Variants in PLAC1 observed in about 807,000 individuals in gnomAD.
The protein encoded by PLAC1 is placenta-specific protein 1.
For synonymous variants in PLAC1, 68 were observed against 62.1 expected (o/e 1.09, Z -0.44); for missense variants, 136 against 163.2 (o/e 0.83, Z 0.91).
At chrX:134,703,289 G>T (rs2078589734) in intron 2 of PLAC1, among the ~76,000 whole-genome samples, 1 of 111,546 alleles carries the variant, frequency 9.0e-6, no homozygotes, top group African/African-American at 3.3e-5. Flanking sequence ...AGAGAGAAAA[G>T]ACAGATGGCA....
intron 1 of PLAC1, among the ~76,000 whole-genome samples, chrX:134,603,963 G>C (rs752444145): frequency 1.8e-5 from 2 of 112,615 alleles, no homozygotes; most frequent in South Asian, 7.3e-4. Flanking sequence ...AAATTCAACT[G>C]TCTCTTTTCA....
intron 1 of PLAC1, among the ~76,000 whole-genome samples, chrX:134,623,148 G>A (rs1451448204): frequency 4.5e-5 from 5 of 112,134 alleles, no homozygotes; most frequent in South Asian, 3.8e-4. Context: ...TTTCCCTCTC[G>A]TCAGATAGTT....
At chrX:134,581,485 T>TTA (rs1164130908) in intron 2 of PLAC1, among the ~76,000 whole-genome samples, 1 of 90,582 alleles carries the variant, frequency 1.1e-5, no homozygotes, top group Non-Finnish European at 2.2e-5. Flanking sequence ...TCTTTTTTTT[T>TTA]TTTTTTTTTT....
At chrX:134,616,981 CT>C (rs764965156) in intron 1 of PLAC1, among the ~76,000 whole-genome samples, 3,873 of 98,526 alleles carry the variant, frequency 0.039, 92 homozygotes, top group Non-Finnish European at 0.06. Flanking sequence ...TTCTTTCTTT[CT>C]TTTTTTTTTT....
intron 1 of PLAC1, among the ~76,000 whole-genome samples, chrX:134,763,082 G>A (rs2041515881): frequency 1.8e-5 from 2 of 111,042 alleles, no homozygotes; most frequent in South Asian, 7.6e-4. Flanking sequence ...CTCTGAGGTA[G>A]AAATATACAT....
chrX:134,763,777 C>T (rs993342114), intron 1 of PLAC1, among the ~76,000 whole-genome samples: 17 of 103,519 alleles, frequency 1.6e-4, no homozygotes, highest in Non-Finnish European at 3.1e-4. Context: ...GCCGAGACGG[C>T]GCCACTGCAC....
At chrX:134,696,259 A>G (rs2078562651) in intron 2 of PLAC1, among the ~76,000 whole-genome samples, 3 of 111,252 alleles carry the variant, frequency 2.7e-5, no homozygotes. Context: ...TGCATGGTAC[A>G]GTACAGGAGA....
intron 2 of PLAC1, among the ~76,000 whole-genome samples, chrX:134,569,694 G>T (rs1272363820): frequency 9.3e-6 from 1 of 108,065 alleles, no homozygotes; most frequent in African/African-American, 3.4e-5. Context: ...AAGCAGGGCA[G>T]CCTCCCTTCT....
At chrX:134,660,106 ATT>A (rs66486462), upstream of PLAC1, among the ~76,000 whole-genome samples, 3,007 of 96,284 alleles carry the variant, frequency 0.031, 109 homozygotes, top group African/African-American at 0.095. Context: ...ATGTTCAAAG[ATT>A]TTTTTTTTTT....
intron 1 of PLAC1, among the ~76,000 whole-genome samples, chrX:134,744,340 C>T (rs1278648582): frequency 9.1e-6 from 1 of 110,014 alleles, no homozygotes; most frequent in East Asian, 2.8e-4. Flanking sequence ...AGGAAACAAC[C>T]TAGATGCTAC....
intron 1 of PLAC1, among the ~76,000 whole-genome samples, chrX:134,648,713 A>G (rs187199788): frequency 9.0e-6 from 1 of 111,482 alleles, no homozygotes; most frequent in Non-Finnish European, 1.9e-5. Context: ...AATAAAAAAC[A>G]TTGGAACCCT....
At chrX:134,737,308 T>G (rs1466663915) in intron 1 of PLAC1, among the ~76,000 whole-genome samples, 2 of 112,275 alleles carry the variant, frequency 1.8e-5, no homozygotes, top group African/African-American at 6.5e-5. Flanking sequence ...ATCTCGACAC[T>G]GAAGCCCTGG....
At chrX:134,644,671 C>T (rs766857786) in intron 1 of PLAC1, among the ~76,000 whole-genome samples, 44 of 109,459 alleles carry the variant, frequency 4.0e-4, no homozygotes, top group Admixed American at 1.9e-3. Context: ...TCAGGTCCCA[C>T]TTATAAGCAA....
chrX:134,569,739 AGTGT>A (rs749953575), intron 2 of PLAC1, among the ~76,000 whole-genome samples: 2,998 of 72,012 alleles, frequency 0.042, 55 homozygotes, highest in African/African-American at 0.083. Context: ...AGGGTAGAGT[AGTGT>A]GTGTGTGTGT....
In PLAC1 at chrX:134,638,262, A is replaced by T. The variant is rs1171726930; in HGVS notation, c.-131+20066T>A. Among the ~76,000 whole-genome samples the T allele has an allele frequency of 2.7e-5, 3 of 112,299 alleles. No individual in the cohort carries two copies. In the East Asian group the frequency reaches 8.4e-4, roughly 31 times the overall value. ...ATTGTTACTTTTACAAAGACTGCTT[A>T]AAAATGACCATTTTTCACATGCAGC... On this transcript the variant is annotated intron_variant, in intron 1 of 2. Transcript: ENST00000359237.
chrX:134,667,925 C>CA (rs752192722), intron 2 of PLAC1, among the ~76,000 whole-genome samples: 916 of 87,232 alleles, frequency 0.011, 6 homozygotes, highest in African/African-American at 0.03. Context: ...GACCTTGTCT[C>CA]AAAAAAAAAA....
chrX:134,755,514 A>AT (rs772504143), intron 1 of PLAC1, among the ~76,000 whole-genome samples: 33 of 112,041 alleles, frequency 2.9e-4, no homozygotes, highest in African/African-American at 1.1e-3. Context: ...AAGCCCAGGG[A>AT]TATCAAGGAG....
At chrX:134,760,811 A>G (rs2078767972) in intron 1 of PLAC1, among the ~76,000 whole-genome samples, 1 of 111,444 alleles carries the variant, frequency 9.0e-6, no homozygotes, top group Non-Finnish European at 1.9e-5. Context: ...CGACAGAATA[A>G]GACAGTTACG....
chrX:134,699,636 C>G (rs2078575963), intron 2 of PLAC1, among the ~76,000 whole-genome samples: 1 of 112,485 alleles, frequency 8.9e-6, no homozygotes, highest in Non-Finnish European at 1.9e-5. Flanking sequence ...TGGTTAATTA[C>G]CCAGTCTGCA....
Sources: gnomAD v4.1 joint callset for allele counts (sites outside exome capture counted in the v4.1 genomes callset) on GRCh38, gnomAD v4.1.1 for gene constraint, MANE v1.5 for transcripts, NCBI Gene and HGNC (gene_info 2026-07-23, HGNC 2026-07-21) for gene names.